Variants in DIP2C observed in about 807,000 individuals in gnomAD.
DIP2C encodes the protein disco-interacting protein 2 homolog C.
In DIP2C, 33 loss-of-function variants were observed where a neutral mutation model predicts 192.4. The observed-to-expected ratio is 0.17, with a 90% CI of 0.13 to 0.23. The LOEUF is 0.23. Ranked by LOEUF, DIP2C falls within the 10% of genes least tolerant of loss-of-function variation. DIP2C has a pLI of 1.00. For synonymous variants in DIP2C, 979 were observed against 864.1 expected (o/e 1.13, Z -2.33); for missense variants, 1,537 against 2,110.1 (o/e 0.73, Z 5.32).
At chr10:595,405 A>G (rs1851643938) in intron 1 of DIP2C, among the ~76,000 whole-genome samples, 2 of 152,200 alleles carry the variant, frequency 1.3e-5, no homozygotes, top group Non-Finnish European at 2.9e-5. Flanking sequence ...ATATGACCAC[A>G]ACCTTTTGTG....
intron 3 of DIP2C, among the ~76,000 whole-genome samples, chr10:447,044 T>C (rs949290791): frequency 6.6e-6 from 1 of 152,168 alleles, no homozygotes; most frequent in Non-Finnish European, 1.5e-5. Context: ...AAGTGTGAGA[T>C]TTTTGTCTCG....
At chr10:405,967 A>C (rs1350097011) in intron 9 of DIP2C, among the ~76,000 whole-genome samples, 11 of 152,216 alleles carry the variant, frequency 7.2e-5, no homozygotes, top group Admixed American at 6.5e-4. Flanking sequence ...GAAAAATTTT[A>C]GAAAAGTAGC....
chr10:451,099 C>T (rs113403784), intron 3 of DIP2C, among the ~76,000 whole-genome samples: 2,459 of 152,258 alleles, frequency 0.016, 79 homozygotes, highest in African/African-American at 0.056. Flanking sequence ...TGCCTGTGGG[C>T]GGTGACTGGT....
At chr10:367,998 C>T (rs4995173) in intron 18 of DIP2C, among the ~76,000 whole-genome samples, 344 of 7,552 alleles carry the variant, frequency 0.046, 1 homozygote, top group East Asian at 0.11. Flanking sequence ...CCCGCGGTTG[C>T]TCTCACTGCT....
chr10:522,664 T>C (rs1307375044), intron 1 of DIP2C, among the ~76,000 whole-genome samples: 1 of 152,272 alleles, frequency 6.6e-6, no homozygotes, highest in African/African-American at 2.4e-5. Context: ...ATTTGCCATC[T>C]GTGTCTCTTC....
chr10:641,246 G>T (rs568042871), intron 1 of DIP2C, among the ~76,000 whole-genome samples: 1 of 152,164 alleles, frequency 6.6e-6, no homozygotes, highest in Non-Finnish European at 1.5e-5. Flanking sequence ...GTCTGTGACT[G>T]AGGGGAATCC....
At chr10:377,414 G>A (rs1033095915) in intron 17 of DIP2C, among the ~76,000 whole-genome samples, 2 of 152,228 alleles carry the variant, frequency 1.3e-5, no homozygotes, top group African/African-American at 4.8e-5. Context: ...AACGCACGTG[G>A]TTGGGTGAAA....
intron 32 of DIP2C, among the ~76,000 whole-genome samples, chr10:304,993 C>G (rs1437745613): frequency 1.3e-5 from 2 of 150,664 alleles, no homozygotes; most frequent in African/African-American, 2.4e-5. Flanking sequence ...GAAAGTCACA[C>G]AACTGCAACA....
At chr10:573,118 T>C (rs1216854450) in intron 1 of DIP2C, among the ~76,000 whole-genome samples, 4 of 152,294 alleles carry the variant, frequency 2.6e-5, no homozygotes, top group South Asian at 2.1e-4. Context: ...AGTGAATTAT[T>C]TGGGAGTTCC....
intron 3 of DIP2C, among the ~76,000 whole-genome samples, chr10:455,116 A>C (rs1969181114): frequency 6.6e-6 from 1 of 152,230 alleles, no homozygotes; most frequent in Non-Finnish European, 1.5e-5. Context: ...ACGTGGCTTC[A>C]CAGCAGCAGA....
chr10:410,138 CTTAGA>C (rs985296427), intron 8 of DIP2C, among the ~76,000 whole-genome samples: 11 of 152,120 alleles, frequency 7.2e-5, no homozygotes, highest in African/African-American at 1.9e-4. Context: ...ATGAGAGTTC[CTTAGA>C]TTAGTGTTAT....
At chr10:469,506 G>A (rs762695628) in intron 3 of DIP2C, among the ~76,000 whole-genome samples, 6 of 152,006 alleles carry the variant, frequency 3.9e-5, no homozygotes, top group Non-Finnish European at 7.4e-5. Flanking sequence ...TCATAGAGAT[G>A]GGGTTTCGCC....
chr10:600,712 A>G (rs1181914966), intron 1 of DIP2C, among the ~76,000 whole-genome samples: 1 of 152,188 alleles, frequency 6.6e-6, no homozygotes, highest in Non-Finnish European at 1.5e-5. Context: ...TTTTCACCTT[A>G]AGGAGATTTT....
intron 1 of DIP2C, among the ~76,000 whole-genome samples, chr10:574,581 C>T (rs1303328906): frequency 6.6e-6 from 1 of 152,212 alleles, no homozygotes; most frequent in African/African-American, 2.4e-5. Context: ...GAACAGGTAA[C>T]ATCTTTCTTC....
At chr10:346,450 A>G (rs75199201) in intron 26 of DIP2C, among the ~76,000 whole-genome samples, 4 of 39,078 alleles carry the variant, frequency 1.0e-4, no homozygotes, top group Admixed American at 3.3e-4. Context: ...AACGTCACAC[A>G]CACCCAACCC....
chr10:493,826 C>T (rs1844625211), intron 1 of DIP2C, among the ~76,000 whole-genome samples: 1 of 152,228 alleles, frequency 6.6e-6, no homozygotes, highest in African/African-American at 2.4e-5. Flanking sequence ...CCTTGTTTCA[C>T]AGATGACAGT....
At chr10:508,473 C>G (rs1845782818) in intron 1 of DIP2C, among the ~76,000 whole-genome samples, 1 of 152,202 alleles carries the variant, frequency 6.6e-6, no homozygotes, top group Admixed American at 6.5e-5. Flanking sequence ...CATACCGCAT[C>G]CGGCCCAGCA....
intron 1 of DIP2C, among the ~76,000 whole-genome samples, chr10:620,524 C>A (rs1349994499): frequency 6.6e-6 from 1 of 152,180 alleles, no homozygotes; most frequent in Non-Finnish European, 1.5e-5. Flanking sequence ...AAGAAAAGTC[C>A]ATTTGGGTAA....
intron 10 of DIP2C, among the ~76,000 whole-genome samples, chr10:397,752 A>G (rs147387581): frequency 3.4e-4 from 52 of 152,352 alleles, no homozygotes; most frequent in African/African-American, 1.2e-3. Flanking sequence ...AACCATCCAC[A>G]TGGACTAAAA....
Sources: gnomAD v4.1 joint callset for allele counts (sites outside exome capture counted in the v4.1 genomes callset) on GRCh38, gnomAD v4.1.1 for gene constraint, MANE v1.5 for transcripts, NCBI Gene and HGNC (gene_info 2026-07-23, HGNC 2026-07-21) for gene names.